HNF4A: variants seen among roughly 807,000 people sequenced by gnomAD.
HNF4A encodes the protein hepatocyte nuclear factor 4 alpha.
Under a neutral mutation model 52.4 loss-of-function variants are expected in HNF4A, and 15 were observed. The ratio of observed to expected loss-of-function variants is 0.29; its 90% CI spans 0.19 to 0.44. The LOEUF is 0.44. HNF4A is among the 20% of genes least tolerant of loss of function. The pLI is 1.00. For synonymous variants in HNF4A, 280 were observed against 264.4 expected (o/e 1.06, Z -0.57); for missense variants, 479 against 647.2 (o/e 0.74, Z 2.82).
intron 3 of HNF4A, among the ~76,000 whole-genome samples, chr20:44,409,839 CTTTT>C (rs11468260): frequency 5.6e-5 from 8 of 144,094 alleles, no homozygotes; most frequent in South Asian, 2.2e-4. Context: ...CTGGTCCCTT[CTTTT>C]TTTTTTTTTT....
intron 3 of HNF4A, among the ~76,000 whole-genome samples, chr20:44,410,274 T>G (rs1006929316): frequency 1.3e-5 from 2 of 152,248 alleles, no homozygotes; most frequent in Admixed American, 1.3e-4. Flanking sequence ...ACGGACATGC[T>G]GCCCGGAGGA....
chr20:44,375,655 T>C (rs933644813), intron 1 of HNF4A, among the ~76,000 whole-genome samples: 8 of 152,052 alleles, frequency 5.3e-5, no homozygotes, highest in African/African-American at 1.9e-4. Context: ...GAAGGGAACT[T>C]TGAGGTTGTT....
chr20:44,407,896 G>A (rs1488223217), intron 3 of HNF4A, among the ~76,000 whole-genome samples: 2 of 152,160 alleles, frequency 1.3e-5, no homozygotes, highest in African/African-American at 4.8e-5. Flanking sequence ...AGAGGAGCCC[G>A]ATGCCTGAGC....
intron 1 of HNF4A, among the ~76,000 whole-genome samples, chr20:44,403,952 G>A (rs1010259229): frequency 1.3e-5 from 2 of 152,156 alleles, no homozygotes; most frequent in South Asian, 2.1e-4. Context: ...CCCGGGGGTC[G>A]GGGGAGGAGA....
At chr20:44,422,305 A>G (rs1368014098) in intron 7 of HNF4A, among the ~76,000 whole-genome samples, 2 of 152,196 alleles carry the variant, frequency 1.3e-5, no homozygotes, top group African/African-American at 4.8e-5. Flanking sequence ...CAAAATGGGA[A>G]GGATCACTGA....
In HNF4A at chr20:44,413,798, C is replaced by A; in HGVS notation, c.490C>A (p.Gln164Lys). 1 of 1,607,938 alleles carries A rather than the reference C, an allele frequency of 6.2e-7. No individual in the cohort carries two copies. Among genetic ancestry groups the A allele is most frequent in the Non-Finnish European group, 8.5e-7 (1 of 1,175,500 alleles). The change falls in exon 4 of 10, where the codon CAG becomes AAG. Residue 164 changes from glutamine (Q) to lysine (K), a missense_variant and splice_region_variant. This residue lies in a region of HNF4A where 389 missense variants were observed against 525.1 expected (regional missense o/e 0.74). Transcript: ENST00000316099. ...CCTGCAGGCGGAGGTCCTGTCCCGA[C>A]AGGTACCGGGGTGATCCTGCCACCC...
intron 1 of HNF4A, among the ~76,000 whole-genome samples, chr20:44,374,830 A>G: frequency 6.6e-6 from 1 of 152,204 alleles, no homozygotes; most frequent in East Asian, 1.9e-4. Context: ...TGGTAGAAGA[A>G]TTCATTTTCC....
Position 44,367,016 on chromosome 20 carries a change from C to T in HNF4A, c.49+11163C>T, listed in dbSNP as rs140672938. On this transcript the variant is annotated intron_variant, in intron 1 of 9. Transcript: ENST00000316673. ...TTCATCCTTGTATAACACCATGGCC[C>T]AGGTACTACTCTAAGCACTTTATAA... 3.1e-3 allele frequency among the ~76,000 whole-genome samples: 479 copies of T among 152,218 alleles called. 2 individuals carry two copies. Among genetic ancestry groups the T allele is most frequent in the African/African-American group, 0.011 (451 of 41,536 alleles).
intron 2 of HNF4A, 69 bp downstream of exon 2, chr20:44,406,301 C>A: frequency 7.0e-7 from 1 of 1,421,452 alleles, no homozygotes; most frequent in Non-Finnish European, 9.8e-7. Context: ...GGTCTGTCTT[C>A]TCCCTGAGTG....
chr20:44,407,355 A>C, intron 2 of HNF4A, 26 bp from the exon 3 acceptor site: 1 of 1,567,084 alleles, frequency 6.4e-7, no homozygotes, highest in Non-Finnish European at 8.8e-7. Context: ...TGTCTTCTCC[A>C]TCCAACCATC....
intron 1 of HNF4A, chr20:44,401,567 C>T: frequency 4.5e-6 from 7 of 1,543,418 alleles, no homozygotes; most frequent in Non-Finnish European, 6.2e-6. Context: ...TGGCACTCAA[C>T]TTTGGGGTGG....
Position 44,416,180 on chromosome 20 carries a change from G to A in HNF4A, c.648+1518G>A, listed in dbSNP as rs374277916. 2.7e-3 allele frequency among the ~76,000 whole-genome samples: 408 copies of A among 152,282 alleles called. 2 individuals carry two copies. The highest frequency in any genetic ancestry group is 9.7e-3 in the African/African-American group (401 of 41,550). ...CTGCCATATCAGGGGGTTGAACCTG[G>A]GATCAGAAGGGTTCCCAGCTCCCCA... On this transcript the variant is annotated intron_variant, in intron 5 of 9. Transcript: ENST00000316099.
At chr20:44,420,028 T>A in intron 7 of HNF4A, 152 bp downstream of exon 7, 2 of 842,422 alleles carry the variant, frequency 2.4e-6, no homozygotes, top group Non-Finnish European at 4.0e-6. Context: ...ATGAGGCAAG[T>A]CAAGATTTGA....
At chr20:44,389,659 C>T (rs1202132497) in intron 1 of HNF4A, 3 of 152,188 alleles carry the variant, frequency 2.0e-5, no homozygotes, top group Non-Finnish European at 4.4e-5. Context: ...AGTTATTCAT[C>T]CAGCCTATTT....
chr20:44,358,812 T>C (rs1015977452), intron 1 of HNF4A, among the ~76,000 whole-genome samples: 3 of 152,130 alleles, frequency 2.0e-5, no homozygotes, highest in African/African-American at 7.2e-5. Flanking sequence ...GAAGGATCCA[T>C]GAGTGCTTAG....
At chr20:44,355,943 C>T in intron 1 of HNF4A, 90 bp downstream of exon 1, 1 of 1,119,656 alleles carries the variant, frequency 8.9e-7, no homozygotes, top group Non-Finnish European at 1.3e-6. Flanking sequence ...TTCTTACGGG[C>T]CCAAAGCTCC....
chr20:44,429,698 C>G lies in HNF4A; in HGVS notation c.*33C>G, dbSNP rs776697151. 6.2e-7 allele frequency: 1 copy of G among 1,606,314 alleles called. No homozygotes were observed. The highest frequency in any genetic ancestry group is 8.5e-7 in the Non-Finnish European group (1 of 1,173,356). On this transcript the variant is annotated 3_prime_UTR_variant, in exon 10 of 10. Coordinates refer to ENST00000316099, the MANE Select transcript of HNF4A (RefSeq NM_000457.6). Reference sequence around the variant, plus strand: ...CTGGGGCTTGGGGGCTCCACTGGCTCCCCCCAGCCCCCTAAGAGAGCACCT... The same window carrying G: ...CTGGGGCTTGGGGGCTCCACTGGCTGCCCCCAGCCCCCTAAGAGAGCACCT...
At chr20:44,403,945 G>C (rs892718059) in intron 1 of HNF4A, among the ~76,000 whole-genome samples, 3 of 152,132 alleles carry the variant, frequency 2.0e-5, no homozygotes, top group African/African-American at 4.8e-5. Flanking sequence ...AGCTCTCCCC[G>C]GGGGTCGGGG....
At chr20:44,390,702 G>T (rs1287592583) in intron 1 of HNF4A, 3 of 700,370 alleles carry the variant, frequency 4.3e-6, no homozygotes, top group Non-Finnish European at 7.8e-6. Context: ...CTCCACATCT[G>T]CCTGGAAGGA....
Sources: gnomAD v4.1 joint callset for allele counts (sites outside exome capture counted in the v4.1 genomes callset) on GRCh38, gnomAD v4.1.1 for gene constraint, gnomAD v4.1.1 regional missense constraint, MANE v1.5 for transcripts, NCBI Gene and HGNC (gene_info 2026-07-23, HGNC 2026-07-21) for gene names.